The following AGBL4 variants were observed in gnomAD, a reference collection of about 807,000 sequenced individuals.
The protein encoded by AGBL4 is AGBL carboxypeptidase 4.
In AGBL4, 58 loss-of-function variants were observed where a neutral mutation model predicts 66.4. That is an observed-to-expected ratio of 0.87 (90% confidence interval 0.71 to 1.09). The LOEUF (loss-of-function observed/expected upper bound fraction) is 1.09. Among genes scored for constraint, AGBL4 ranks in the 50% least tolerant of loss-of-function variants. The pLI, the probability that AGBL4 is intolerant of heterozygous loss-of-function variation, is 0.00. For synonymous variants in AGBL4, 234 were observed against 222.9 expected, an observed-to-expected ratio of 1.05 and a Z score of -0.44; for missense variants, 579 against 631.0, an observed-to-expected ratio of 0.92 and a Z score of 0.88.
At chr1:49,017,174 C>T (rs1378618595) in intron 5 of AGBL4, among the ~76,000 whole-genome samples, 2 of 152,128 alleles carry the variant, frequency 1.3e-5, no homozygotes, top group African/African-American at 4.8e-5. Context: ...GAAAAATGCA[C>T]GCATGTACTA....
chr1:49,936,061 C>A (rs1653973602), intron 1 of AGBL4, among the ~76,000 whole-genome samples: 1 of 152,064 alleles, frequency 6.6e-6, no homozygotes, highest in African/African-American at 2.4e-5. Context: ...GAAATTCAAA[C>A]CAAAGGCAAA....
intron 2 of AGBL4, among the ~76,000 whole-genome samples, chr1:49,806,014 A>C (rs902498584): frequency 6.6e-5 from 10 of 152,218 alleles, no homozygotes. Context: ...CTGCTATAAC[A>C]AATACCTAAA....
intron 11 of AGBL4, among the ~76,000 whole-genome samples, chr1:48,560,559 C>T (rs980906907): frequency 4.6e-5 from 7 of 152,126 alleles, no homozygotes; most frequent in African/African-American, 1.4e-4. Context: ...ATACTATGTA[C>T]TTGAATCAAA....
intron 3 of AGBL4, among the ~76,000 whole-genome samples, chr1:49,583,613 T>C (rs1245792729): frequency 1.3e-5 from 2 of 152,046 alleles, no homozygotes; most frequent in Non-Finnish European, 2.9e-5. Context: ...TTCCAGCTGG[T>C]TATTGTCATA....
intron 9 of AGBL4, among the ~76,000 whole-genome samples, chr1:48,597,506 C>T (rs994813873): frequency 3.9e-5 from 6 of 152,016 alleles, no homozygotes; most frequent in African/African-American, 1.5e-4. Flanking sequence ...GGGAAGGCCT[C>T]TGACATTTGA....
chr1:49,143,417 G>A (rs1646156431), intron 4 of AGBL4, among the ~76,000 whole-genome samples: 1 of 152,192 alleles, frequency 6.6e-6, no homozygotes, highest in Non-Finnish European at 1.5e-5. Flanking sequence ...CCTAAGCACA[G>A]CCTTTTAACA....
chr1:49,211,983 T>C (rs577726586), intron 4 of AGBL4, among the ~76,000 whole-genome samples: 2 of 152,142 alleles, frequency 1.3e-5, no homozygotes, highest in African/African-American at 2.4e-5. Flanking sequence ...TGTCACTCAA[T>C]CATCACAAAA....
intron 4 of AGBL4, among the ~76,000 whole-genome samples, chr1:49,220,850 C>T (rs966053770): frequency 6.6e-6 from 1 of 152,142 alleles, no homozygotes; most frequent in South Asian, 2.1e-4. Context: ...CATAGGTTTG[C>T]TGTGCTATGA....
At chr1:49,568,600 GC>G (rs1320699451) in intron 3 of AGBL4, among the ~76,000 whole-genome samples, 1 of 150,918 alleles carries the variant, frequency 6.6e-6, no homozygotes. Context: ...TAAATTCAAT[GC>G]TATCCCTATC....
intron 11 of AGBL4, among the ~76,000 whole-genome samples, chr1:48,555,187 GT>G (rs1644303557): frequency 1.1e-5 from 1 of 92,070 alleles, no homozygotes; most frequent in Non-Finnish European, 2.8e-5. Context: ...GGGTAAGATT[GT>G]CTTTTTTTTT....
At chr1:49,085,702 G>A (rs1020382127) in intron 4 of AGBL4, among the ~76,000 whole-genome samples, 35 of 152,048 alleles carry the variant, frequency 2.3e-4, no homozygotes, top group Non-Finnish European at 4.0e-4. Flanking sequence ...TGCTGAGGCA[G>A]AAAAAGTTAT....
At chr1:49,859,026 A>G (rs1646501286) in intron 1 of AGBL4, among the ~76,000 whole-genome samples, 2 of 152,298 alleles carry the variant, frequency 1.3e-5, no homozygotes, top group South Asian at 4.1e-4. Flanking sequence ...AAAAAAAGAA[A>G]AAGAAAATGC....
At chr1:49,225,056 T>C (rs541945025) in intron 4 of AGBL4, among the ~76,000 whole-genome samples, 2 of 152,198 alleles carry the variant, frequency 1.3e-5, no homozygotes, top group African/African-American at 4.8e-5. Flanking sequence ...ATGATGCCAA[T>C]ATGATAACAA....
At position 49,457,791 on chromosome 1, in the gene AGBL4, T is replaced by A. The variant is rs113782341; in HGVS notation, c.283-211927A>T. On this transcript the variant is annotated intron_variant, in intron 3 of 13. Transcript: ENST00000371839. ...TTCTTCTCAAGTGGCTTGCCAATTA[T>A]CCCAGCACCGTTTGTTGAATAGGGT... 4.3e-3 allele frequency among the ~76,000 whole-genome samples: 659 copies of A among 151,990 alleles called. 7 individuals carry two copies. Among genetic ancestry groups the A allele is most frequent in the African/African-American group, 0.015 (617 of 41,500 alleles).
At chr1:48,718,700 C>A (rs1313346948) in intron 6 of AGBL4, among the ~76,000 whole-genome samples, 1 of 152,160 alleles carries the variant, frequency 6.6e-6, no homozygotes, top group Non-Finnish European at 1.5e-5. Context: ...TGATTTGGGT[C>A]ATGGGATGCT....
intron 5 of AGBL4, among the ~76,000 whole-genome samples, chr1:48,991,243 A>T (rs1660582894): frequency 6.6e-6 from 1 of 152,134 alleles, no homozygotes. Context: ...ATGTACTACT[A>T]TAGTGTACAA....
intron 1 of AGBL4, among the ~76,000 whole-genome samples, chr1:49,939,041 A>T (rs1018401676): frequency 9.9e-5 from 15 of 152,194 alleles, no homozygotes; most frequent in South Asian, 2.1e-4. Context: ...AATCACAAGC[A>T]TTCTTATACA....
intron 5 of AGBL4, among the ~76,000 whole-genome samples, chr1:48,980,074 C>A (rs1238555780): frequency 2.0e-5 from 3 of 152,122 alleles, no homozygotes; most frequent in African/African-American, 7.2e-5. Context: ...TCCCTCCTTT[C>A]AGCTAAGCCT....
chr1:48,776,924 G>A lies in AGBL4; in HGVS notation c.634+90267C>T, dbSNP rs1319570711. 18 of 656,624 alleles carry A rather than the reference G, an allele frequency of 2.7e-5. No individual in the cohort carries two copies. The South Asian group carries it at 4.8e-4, about 18-fold the overall frequency. 40.7% of individuals were successfully genotyped at this position (656,624 alleles called of 1,614,324 possible). On this transcript the variant is annotated intron_variant, in intron 6 of 13. Transcript: ENST00000371839. Reference sequence around the variant, plus strand: ...CGGCGGGGGGCGCGAGTCTCGCTACGGTGCTGGGGGGGGCGGGGGCGGCTC... The same window carrying A: ...CGGCGGGGGGCGCGAGTCTCGCTACAGTGCTGGGGGGGGCGGGGGCGGCTC...
Sources: allele counts gnomAD v4.1 joint callset (sites outside exome capture counted in the v4.1 genomes callset), GRCh38; gene constraint gnomAD v4.1.1; transcripts MANE v1.5; gene names NCBI Gene and HGNC (gene_info 2026-07-23, HGNC 2026-07-21).